Variants in TRIP12 observed in about 807,000 individuals in gnomAD.
The protein encoded by TRIP12 is thyroid hormone receptor interactor 12.
In TRIP12, 25 loss-of-function variants were observed where a neutral mutation model predicts 244.2. The ratio of observed to expected loss-of-function variants is 0.10; its 90% CI spans 0.07 to 0.14. TRIP12 has a LOEUF of 0.14. Ranked by LOEUF, TRIP12 falls within the 10% of genes least tolerant of loss-of-function variation. TRIP12 has a pLI of 1.00. For synonymous variants in TRIP12, 905 were observed against 873.1 expected (o/e 1.04, Z -0.64); for missense variants, 1,677 against 2,486.4 (o/e 0.67, Z 6.92).
chr2:229,789,484 G>A (rs986828596), intron 31 of TRIP12, 127 bp downstream of exon 31: 3 of 1,060,648 alleles, frequency 2.8e-6, no homozygotes, highest in Admixed American at 5.8e-5. Context: ...TTCCACTGAT[G>A]AGTACATTGT....
chr2:229,793,127 T>C lies in TRIP12; in HGVS notation c.3987A>G (p.Gly1329=), dbSNP rs142844781. ...GTGGSFSLNR[G]SQALKFFNTH... is the part of the protein sequence containing the mutation. Reference sequence around the variant, plus strand: ...TGTTGAAAAATTTTAAAGCCTGTGATCCTCTGTTGAGAGAAAAGCTCAAGA... The same window carrying C: ...TGTTGAAAAATTTTAAAGCCTGTGACCCTCTGTTGAGAGAAAAGCTCAAGA... The change falls in exon 27 of 42, where the codon GGA becomes GGG. Residue 1329 remains glycine, a synonymous_variant. Transcript: ENST00000675903. The C allele has an allele frequency of 4.4e-5, 71 of 1,613,094 alleles. No homozygotes were observed. The highest frequency in any genetic ancestry group is 6.0e-5 in the Non-Finnish European group (71 of 1,179,660).
chr2:229,869,014 C>T (rs1277645588), intron 2 of TRIP12, among the ~76,000 whole-genome samples: 1 of 152,184 alleles, frequency 6.6e-6, no homozygotes, highest in Admixed American at 6.5e-5. Flanking sequence ...TACAGTTCAC[C>T]ATATTCTCTT....
At chr2:229,860,318 T>C in intron 3 of TRIP12, 88 bp downstream of exon 3, 2 of 1,471,178 alleles carry the variant, frequency 1.4e-6, no homozygotes, top group South Asian at 1.4e-5. Context: ...TCAAAACGTT[T>C]TGGAATAACC....
intron 9 of TRIP12, 75 bp from the exon 10 acceptor site, chr2:229,815,383 T>G (rs986227393): frequency 6.9e-6 from 6 of 865,334 alleles, no homozygotes; most frequent in African/African-American, 3.5e-5. Flanking sequence ...CCTCTTCTAT[T>G]TGAACTTCAA....
At chr2:229,780,100 C>G (rs968143679) in intron 34 of TRIP12, among the ~76,000 whole-genome samples, 1 of 152,156 alleles carries the variant, frequency 6.6e-6, no homozygotes, top group Non-Finnish European at 1.5e-5. Context: ...GTCCACTAAA[C>G]GTTTAACTCT....
chr2:229,888,183 C>T, intron 1 of TRIP12, among the ~76,000 whole-genome samples: 1 of 152,032 alleles, frequency 6.6e-6, no homozygotes, highest in East Asian at 1.9e-4. Context: ...TACACATGAG[C>T]AGAAAGAGTA....
chr2:229,830,947 A>G (rs1449381944), intron 6 of TRIP12, 108 bp from the exon 7 acceptor site: 2 of 887,664 alleles, frequency 2.3e-6, no homozygotes, highest in Non-Finnish European at 3.6e-6. Flanking sequence ...AATAAAGGCA[A>G]TTAAACTTGT....
At chr2:229,920,675 A>C (rs1376919931) in intron 1 of TRIP12, among the ~76,000 whole-genome samples, 1 of 152,134 alleles carries the variant, frequency 6.6e-6, no homozygotes. Flanking sequence ...AAGGTAACCA[A>C]TTCCCTCCTG....
At chr2:229,802,481 A>G in intron 20 of TRIP12, 22 bp from the exon 21 acceptor site, 1 of 1,588,982 alleles carries the variant, frequency 6.3e-7, no homozygotes, top group East Asian at 2.3e-5. Flanking sequence ...CAGAGATGAA[A>G]GGGAGTCAGT....
Position 229,792,628 on chromosome 2 carries a change from G to A in TRIP12, c.4141+345C>T, listed in dbSNP as rs551172644. On this transcript the variant is annotated intron_variant, in intron 27 of 41. Coordinates refer to ENST00000675903, the MANE Select transcript of TRIP12 (RefSeq NM_001348323.3). ...GCAACAATCAAAGTTTCAGATTCTG[G>A]AGCGTTTTGCATTTTAGATTTTCAG... is the stretch of plus-strand genomic sequence containing the variant. Among the ~76,000 whole-genome samples the A allele has an allele frequency of 3.3e-5, 5 of 152,232 alleles. No individual in the cohort carries two copies. The South Asian group carries it at 1.0e-3, about 32-fold the overall frequency.
At chr2:229,922,300 C>G, upstream of TRIP12, 1 of 576,770 alleles carries the variant, frequency 1.7e-6, no homozygotes. Flanking sequence ...GTAGCAGGAA[C>G]TAATTCCCCC....
intron 1 of TRIP12, among the ~76,000 whole-genome samples, chr2:229,920,400 G>C (rs1041834903): frequency 6.6e-6 from 1 of 152,140 alleles, no homozygotes; most frequent in South Asian, 2.1e-4. Context: ...GACTAGGAAA[G>C]GAGACAGCAG....
intron 8 of TRIP12, among the ~76,000 whole-genome samples, chr2:229,819,402 G>A (rs2049396435): frequency 6.6e-6 from 1 of 152,058 alleles, no homozygotes; most frequent in South Asian, 2.1e-4. Flanking sequence ...AAAATTAGCC[G>A]AGCGCAGTGG....
chr2:229,851,144 G>A (rs546884157), intron 4 of TRIP12, among the ~76,000 whole-genome samples: 3 of 152,340 alleles, frequency 2.0e-5, no homozygotes, highest in East Asian at 3.9e-4. Flanking sequence ...GTGCAGCCCC[G>A]GTGCAGGATC....
intron 1 of TRIP12, among the ~76,000 whole-genome samples, chr2:229,906,303 C>CAAAAA (rs34519454): frequency 1.4e-4 from 14 of 98,718 alleles, no homozygotes; most frequent in East Asian, 3.0e-4. Context: ...GAGACTGTCT[C>CAAAAA]AAAAAAAAAA....
chr2:229,864,004 A>AGAGAG (rs1559954221), intron 2 of TRIP12, among the ~76,000 whole-genome samples: 106 of 81,320 alleles, frequency 1.3e-3, no homozygotes, highest in African/African-American at 3.2e-3. Flanking sequence ...ATTTGGGTGA[A>AGAGAG]AGAGAGAGAG....
chr2:229,902,532 T>C (rs1199983899), intron 1 of TRIP12, among the ~76,000 whole-genome samples: 3 of 152,226 alleles, frequency 2.0e-5, no homozygotes, highest in Non-Finnish European at 4.4e-5. Flanking sequence ...CAAACTATCC[T>C]TTACACTCAA....
At chr2:229,878,804 G>C (rs1284234436) in intron 2 of TRIP12, among the ~76,000 whole-genome samples, 1 of 151,828 alleles carries the variant, frequency 6.6e-6, no homozygotes, top group Admixed American at 6.6e-5. Context: ...GGATGGTCTC[G>C]ATCTCCTGAC....
At chr2:229,797,573 A>G in intron 24 of TRIP12, 117 bp downstream of exon 24, 1 of 1,291,968 alleles carries the variant, frequency 7.7e-7, no homozygotes, top group East Asian at 2.4e-5. Flanking sequence ...ATATAAGGTA[A>G]AAGTCGATGT....
Sources: allele counts gnomAD v4.1 joint callset (sites outside exome capture counted in the v4.1 genomes callset), GRCh38; gene constraint gnomAD v4.1.1; transcripts MANE v1.5; gene names NCBI Gene and HGNC (gene_info 2026-07-23, HGNC 2026-07-21).